Variants in NXPE3 observed in about 807,000 individuals in gnomAD.
NXPE3 encodes the protein NXPE family member 3.
Under a neutral mutation model 46.1 loss-of-function variants are expected in NXPE3, and 26 were observed. The ratio of observed to expected loss-of-function variants is 0.56; its 90% CI spans 0.41 to 0.78. The LOEUF (loss-of-function observed/expected upper bound fraction) is 0.78, where lower values mean the gene tolerates loss of function less well. Among genes scored for constraint, NXPE3 ranks in the 30% least tolerant of loss-of-function variants. The probability of loss-of-function intolerance (pLI) is 0.00; values close to 1 mark genes in which losing one functional copy is unlikely to be tolerated. For synonymous variants in NXPE3, 272 were observed against 257.9 expected (o/e 1.05, Z -0.52); for missense variants, 620 against 686.0 (o/e 0.90, Z 1.07).
chr3:101,816,995 G>A lies in NXPE3; in HGVS notation c.1123G>A (p.Val375Ile). Reference protein sequence around the residue: ...RQWFEYLTTFVPDLVEFNLGS... With the variant: ...RQWFEYLTTFIPDLVEFNLGS... The stretch of plus-strand genomic sequence containing the variant: ...ATGGTTTGAATACCTTACTACATTT[G>A]TTCCAGGTTGGTACTGTGCCTTTTG... Residue 375 changes from valine to isoleucine, a missense_variant, in exon 7 of 8, where the codon GTT (valine) becomes ATT (isoleucine). Around this residue, in one of 3 missense-constraint regions of NXPE3, gnomAD observed 511 missense variants for 528.6 expected, o/e 0.97. Coordinates refer to ENST00000273347, the MANE Select transcript of NXPE3 (RefSeq NM_145037.4). The A allele has an allele frequency of 6.2e-7, 1 of 1,614,004 alleles. No homozygotes were observed. The highest frequency in any genetic ancestry group is 1.3e-5 in the African/African-American group (1 of 75,056).
intron 4 of NXPE3, among the ~76,000 whole-genome samples, chr3:101,788,921 A>G (rs1338572592): frequency 1.3e-5 from 2 of 152,044 alleles, no homozygotes; most frequent in Non-Finnish European, 2.9e-5. Context: ...TGGCCTCAGT[A>G]GCATTAAGTC....
intron 4 of NXPE3, among the ~76,000 whole-genome samples, chr3:101,792,843 A>G (rs1355863369): frequency 6.6e-6 from 1 of 152,132 alleles, no homozygotes; most frequent in Non-Finnish European, 1.5e-5. Flanking sequence ...GAATCTGTAA[A>G]TTGCTTTGGG....
In NXPE3 at chr3:101,817,002, G is replaced by T; in HGVS notation, c.1129+1G>T. The T allele has an allele frequency of 6.2e-7, 1 of 1,613,680 alleles. No homozygotes were observed. The highest frequency in any genetic ancestry group is 8.5e-7 in the Non-Finnish European group (1 of 1,179,610). On this transcript the variant is annotated splice_donor_variant, in intron 7 of 7. Coordinates refer to ENST00000273347, the MANE Select transcript of NXPE3 (RefSeq NM_145037.4). LOFTEE classifies it high-confidence loss of function. ...GAATACCTTACTACATTTGTTCCAG[G>T]TTGGTACTGTGCCTTTTGTTTCGTA...
At position 101,818,177 on chromosome 3, in the gene NXPE3, C is replaced by T. The variant is rs116558432; in HGVS notation, c.1129+1176C>T. 6.6e-3 allele frequency among the ~76,000 whole-genome samples: 997 copies of T among 152,192 alleles called. 10 individuals are homozygous for T. The highest frequency in any genetic ancestry group is 0.022 in the African/African-American group (906 of 41,502). ...CAAAGTGCTGATGGCTCACACCTGG[C>T]CTCAACTTAGTTTTAAATTTAATTT... On this transcript the variant is annotated intron_variant, in intron 7 of 7. Transcript: ENST00000273347.
chr3:101,799,683 C>G (rs1047830311), intron 4 of NXPE3, among the ~76,000 whole-genome samples: 3 of 152,180 alleles, frequency 2.0e-5, no homozygotes, highest in Non-Finnish European at 4.4e-5. Flanking sequence ...CTCGGCCTCC[C>G]AAAGTGCTGG....
At chr3:101,781,754 A>G (rs912161015) in intron 1 of NXPE3, 2 of 152,208 alleles carry the variant, frequency 1.3e-5, no homozygotes, top group African/African-American at 2.4e-5. Context: ...TCTGTAGGGG[A>G]AAACAAGATC....
intron 6 of NXPE3, among the ~76,000 whole-genome samples, chr3:101,810,064 T>C (rs946351795): frequency 6.6e-6 from 1 of 152,254 alleles, no homozygotes; most frequent in Non-Finnish European, 1.5e-5. Context: ...AGATTGGCAG[T>C]GCTACTGCTA....
At chr3:101,806,278 TG>T (rs1373253411) in intron 5 of NXPE3, among the ~76,000 whole-genome samples, 1 of 152,108 alleles carries the variant, frequency 6.6e-6, no homozygotes, top group African/African-American at 2.4e-5. Context: ...TTTTTGTTTT[TG>T]GTCTAAGTAC....
At chr3:101,795,712 GC>G (rs1940794907) in intron 4 of NXPE3, among the ~76,000 whole-genome samples, 1 of 152,048 alleles carries the variant, frequency 6.6e-6, no homozygotes, top group Non-Finnish European at 1.5e-5. Flanking sequence ...AGGGCTTTGG[GC>G]TTCAGGTAAA....
chr3:101,821,404 A>C lies in NXPE3; in HGVS notation c.1130A>C (p.Asp377Ala), dbSNP rs1483853797. The change falls in exon 8 of 8, where the codon GAT (aspartate) becomes GCT (alanine). Residue 377 changes from aspartate to alanine, a missense_variant and splice_region_variant. By Grantham distance (126) the Asp-to-Ala change is moderately radical (BLOSUM62 -2). This residue lies in a region of NXPE3 where 511 missense variants were observed against 528.6 expected (regional missense o/e 0.97). Transcript: ENST00000273347. ...TGAACTTGAGTTTTCCTTGTTTCAGATTTAGTGGAGTTTAACTTGGGTAGT... is the reference window on the plus strand; with the variant it reads ...TGAACTTGAGTTTTCCTTGTTTCAGCTTTAGTGGAGTTTAACTTGGGTAGT... ...WFEYLTTFVP[D>A]LVEFNLGSPK... The C allele has an allele frequency of 6.2e-7, 1 of 1,610,492 alleles. No individual in the cohort carries two copies.
At chr3:101,802,772 G>A (rs888434776) in intron 5 of NXPE3, among the ~76,000 whole-genome samples, 13 of 151,940 alleles carry the variant, frequency 8.6e-5, no homozygotes, top group African/African-American at 3.2e-4. Flanking sequence ...GAAATACATG[G>A]AATAATGTGC....
chr3:101,821,711 G>T lies in NXPE3; in HGVS notation c.1437G>T (p.Val479=). The change falls in exon 8 of 8, where the codon GTG becomes GTT. Residue 479 remains valine, a synonymous_variant. Coordinates refer to ENST00000273347, the MANE Select transcript of NXPE3 (RefSeq NM_145037.4). ...RLLDRSPKTV[V]VIRTANAQEL... ...TCGATCGAAGCCCAAAGACCGTGGT[G>T]GTCATCCGGACGGCCAACGCCCAAG... is the stretch of plus-strand genomic sequence containing the variant. The T allele has an allele frequency of 6.2e-7, 1 of 1,614,210 alleles. No individual in the cohort carries two copies. The highest frequency in any genetic ancestry group is 8.5e-7 in the Non-Finnish European group (1 of 1,180,038).
intron 6 of NXPE3, among the ~76,000 whole-genome samples, chr3:101,810,624 G>A (rs1442653215): frequency 6.6e-6 from 1 of 152,140 alleles, no homozygotes; most frequent in Non-Finnish European, 1.5e-5. Flanking sequence ...GAAATTCAAA[G>A]TGTAAGAAGG....
intron 4 of NXPE3, among the ~76,000 whole-genome samples, chr3:101,800,771 C>T (rs1400113092): frequency 6.6e-6 from 1 of 151,754 alleles, no homozygotes; most frequent in Non-Finnish European, 1.5e-5. Flanking sequence ...TGCTAACCTT[C>T]CTTGCTTTGA....
chr3:101,806,008 G>T (rs1295593116), intron 5 of NXPE3, among the ~76,000 whole-genome samples: 1 of 151,972 alleles, frequency 6.6e-6, no homozygotes, highest in African/African-American at 2.4e-5. Flanking sequence ...TTTAAGCTAT[G>T]AAATTTGATT....
At chr3:101,785,054 G>A (rs540132999) in intron 3 of NXPE3, among the ~76,000 whole-genome samples, 1 of 152,180 alleles carries the variant, frequency 6.6e-6, no homozygotes, top group Non-Finnish European at 1.5e-5. Context: ...TTAAAGGGAA[G>A]GGGAAGGGAA....
rs1048598886 is a variant in NXPE3, at chr3:101,823,854, G to A, written c.*1900G>A. The A allele has an allele frequency of 6.6e-6, 1 of 152,064 alleles. No individual in the cohort carries two copies. The highest frequency in any genetic ancestry group is 2.4e-5 in the African/African-American group (1 of 41,376). The allele number at this position is 152,064 out of a possible 1,614,324, so 9.4% of individuals were successfully genotyped here. A position where few individuals can be genotyped will look rare whatever the true frequency, so the allele number is the denominator to read the frequency against. Reference sequence around the variant, plus strand: ...CCAGCAGGGATTATAGTCTCGGGAGGCTGAGGTGGGCGGATTGCTTGAGCC... The same window carrying A: ...CCAGCAGGGATTATAGTCTCGGGAGACTGAGGTGGGCGGATTGCTTGAGCC... On this transcript the variant is annotated 3_prime_UTR_variant, in exon 8 of 8. Transcript: ENST00000273347.
chr3:101,811,768 C>T (rs1307000518), intron 6 of NXPE3, among the ~76,000 whole-genome samples: 1 of 133,040 alleles, frequency 7.5e-6, no homozygotes, highest in African/African-American at 2.8e-5. Context: ...GTGTCTCGCT[C>T]TGTCGCCCAG....
chr3:101,818,718 TATATATATATATATATATA>T (rs1560067131), intron 7 of NXPE3, among the ~76,000 whole-genome samples: 133 of 12,112 alleles, frequency 0.011, 3 homozygotes, highest in African/African-American at 0.042. Flanking sequence ...TGACAATTTA[TATATATATATATATATATA>T]TATATATATA....
Sources: allele counts gnomAD v4.1 joint callset (sites outside exome capture counted in the v4.1 genomes callset), GRCh38; gene constraint gnomAD v4.1.1; regional missense constraint gnomAD v4.1.1; transcripts MANE v1.5; gene names NCBI Gene and HGNC (gene_info 2026-07-23, HGNC 2026-07-21).